The following SULF2 variants were observed in gnomAD, a reference collection of about 807,000 sequenced individuals.
SULF2 encodes the protein sulfatase 2.
Under a neutral mutation model 107.7 loss-of-function variants are expected in SULF2, and 52 were observed. The observed-to-expected ratio is 0.48, with a 90% CI of 0.39 to 0.61. The LOEUF is 0.61. SULF2 is among the 20% of genes least tolerant of loss of function. The pLI is 0.00. For missense variants in SULF2, 993 were observed against 1,177.3 expected (o/e 0.84, Z 2.29); for synonymous variants, 460 against 464.3 (o/e 0.99, Z 0.12).
intron 1 of SULF2, among the ~76,000 whole-genome samples, chr20:47,777,360 A>G (rs1568933365): frequency 1.3e-5 from 2 of 152,040 alleles, no homozygotes. Context: ...TAAAAGAGAG[A>G]CAGCAAGGAG....
intron 13 of SULF2, among the ~76,000 whole-genome samples, 174 bp downstream of exon 13, chr20:47,665,679 GCTAT>G (rs555492834): frequency 1.3e-5 from 2 of 152,250 alleles, no homozygotes; most frequent in Non-Finnish European, 2.9e-5. Flanking sequence ...TGGGCAGGAA[GCTAT>G]CTGTCTCATG....
At chr20:47,727,756 C>A (rs2089484499) in intron 3 of SULF2, among the ~76,000 whole-genome samples, 1 of 152,222 alleles carries the variant, frequency 6.6e-6, no homozygotes, top group Non-Finnish European at 1.5e-5. Flanking sequence ...CACAACACTG[C>A]TGCACAGATG....
intron 2 of SULF2, among the ~76,000 whole-genome samples, chr20:47,744,735 G>A (rs1043884430): frequency 3.3e-5 from 5 of 152,084 alleles, no homozygotes; most frequent in African/African-American, 4.8e-5. Context: ...ACTCTACCTG[G>A]GGCCAGTCTG....
intron 7 of SULF2, among the ~76,000 whole-genome samples, chr20:47,679,316 G>A (rs768521000): frequency 6.6e-6 from 1 of 152,072 alleles, no homozygotes; most frequent in Non-Finnish European, 1.5e-5. Flanking sequence ...TATGACCAAG[G>A]AGGCCCGTGA....
intron 3 of SULF2, among the ~76,000 whole-genome samples, chr20:47,734,830 A>G (rs2089692154): frequency 6.6e-6 from 1 of 152,248 alleles, no homozygotes; most frequent in African/African-American, 2.4e-5. Context: ...GGGTATAATA[A>G]TGAATCATAG....
chr20:47,756,444 G>A (rs7262407), intron 2 of SULF2, among the ~76,000 whole-genome samples: 40,281 of 152,044 alleles, frequency 0.26, 6,014 homozygotes, highest in Non-Finnish European at 0.34. Flanking sequence ...TATGTAAATT[G>A]CCTTTTCCTG....
intron 3 of SULF2, among the ~76,000 whole-genome samples, chr20:47,715,093 A>AT (rs869126418): frequency 0.042 from 5,377 of 128,930 alleles, 334 homozygotes; most frequent in African/African-American, 0.12. Context: ...TAACTTTTGT[A>AT]TTTTTTTTTT....
rs540844637 is a variant in SULF2 at position 47,733,061 on chromosome 20, C to T, written c.415+3642G>A. On this transcript the variant is annotated intron_variant, in intron 3 of 20. Coordinates refer to ENST00000688720, the MANE Select transcript of SULF2 (RefSeq NM_001387048.1). ...CATGGGGCCATGCAAAGCAAGATCA[C>T]TGCAAAATGAAATTGCAAATATTTT... Among the ~76,000 whole-genome samples, 8 of 152,310 alleles carry T rather than the reference C, an allele frequency of 5.3e-5. No individual in the cohort carries two copies. The East Asian group carries it at 1.5e-3, about 29-fold the overall frequency.
intron 1 of SULF2, among the ~76,000 whole-genome samples, chr20:47,775,975 C>T (rs114827874): frequency 3.9e-4 from 59 of 152,248 alleles, no homozygotes; most frequent in African/African-American, 1.3e-3. Context: ...CAAATGCCTA[C>T]GTGGGCCAGG....
chr20:47,687,424 A>G (rs907256992), intron 5 of SULF2, among the ~76,000 whole-genome samples: 1 of 152,222 alleles, frequency 6.6e-6, no homozygotes, highest in African/African-American at 2.4e-5. Context: ...GGGCGTGAAG[A>G]AGACCATCCC....
chr20:47,765,754 G>C (rs2090517146), intron 1 of SULF2, among the ~76,000 whole-genome samples: 1 of 152,218 alleles, frequency 6.6e-6, no homozygotes, highest in South Asian at 2.1e-4. Context: ...CCAAGTGACA[G>C]ACAAAACAAG....
chr20:47,745,870 A>C (rs1366598996), intron 2 of SULF2, among the ~76,000 whole-genome samples: 4 of 152,150 alleles, frequency 2.6e-5, no homozygotes, highest in Non-Finnish European at 5.9e-5. Flanking sequence ...ACGCGGAGTT[A>C]AAAAACGGAG....
intron 4 of SULF2, among the ~76,000 whole-genome samples, chr20:47,699,441 CA>C (rs1019467704): frequency 1.3e-5 from 2 of 151,590 alleles, no homozygotes; most frequent in East Asian, 2.0e-4. Context: ...AGTAGGTGCT[CA>C]GGGGTACACA....
At chr20:47,709,119 T>A (rs1384200421) in intron 3 of SULF2, among the ~76,000 whole-genome samples, 1 of 152,100 alleles carries the variant, frequency 6.6e-6, no homozygotes, top group East Asian at 1.9e-4. Context: ...GCTCCTGGGC[T>A]GGGAGATACA....
intron 18 of SULF2, 185 bp downstream of exon 18, chr20:47,661,575 TGTTCCTCTCTCAG>T (rs2087068328): frequency 4.7e-6 from 2 of 427,906 alleles, no homozygotes; most frequent in African/African-American, 4.1e-5. Flanking sequence ...TTGGTGCAGG[TGTTCCTCTCTCAG>T]GAATCACAGC....
chr20:47,722,763 C>T (rs1020449401), intron 3 of SULF2, among the ~76,000 whole-genome samples: 2 of 152,004 alleles, frequency 1.3e-5, no homozygotes, highest in South Asian at 2.1e-4. Flanking sequence ...GAAACCCTGT[C>T]TCTACTAAAG....
intron 1 of SULF2, among the ~76,000 whole-genome samples, chr20:47,769,278 G>A (rs1431205069): frequency 1.3e-5 from 2 of 151,956 alleles, no homozygotes; most frequent in Non-Finnish European, 1.5e-5. Context: ...CTGACCTTGT[G>A]ATCCACCCGC....
At chr20:47,696,363 A>G (rs1462137415) in intron 4 of SULF2, among the ~76,000 whole-genome samples, 1 of 151,812 alleles carries the variant, frequency 6.6e-6, no homozygotes, top group Admixed American at 6.6e-5. Flanking sequence ...AATAGTACAA[A>G]GGACAGTGAA....
chr20:47,677,256 T>C (rs1374900597), intron 8 of SULF2, 122 bp from the exon 9 acceptor site: 3 of 1,050,702 alleles, frequency 2.9e-6, no homozygotes, highest in South Asian at 1.4e-5. Context: ...TGGACAGCAA[T>C]TGTGGTGAGT....
Sources: allele counts gnomAD v4.1 joint callset (sites outside exome capture counted in the v4.1 genomes callset), GRCh38; gene constraint gnomAD v4.1.1; transcripts MANE v1.5; gene names NCBI Gene and HGNC (gene_info 2026-07-23, HGNC 2026-07-21).